The following DTD1 variants were observed in gnomAD, a reference collection of about 807,000 sequenced individuals.
DTD1 encodes D-aminoacyl-tRNA deacylase 1, also known as D-tyrosyl-tRNA deacylase 1 homolog.
DTD1 carries 13 observed loss-of-function variants against 25.6 expected under a neutral mutation model. That is an observed-to-expected ratio of 0.51 (90% CI 0.33 to 0.81). DTD1 has a LOEUF of 0.81. Ranked by LOEUF, DTD1 falls within the 30% of genes least tolerant of loss-of-function variation. The pLI is 0.02. For missense variants in DTD1, 193 were observed against 266.4 expected, an observed-to-expected ratio of 0.72 and a Z score of 1.92; for synonymous variants, 110 against 103.6, an observed-to-expected ratio of 1.06 and a Z score of -0.37.
rs1455100634 is a variant in DTD1 at position 18,704,495 on chromosome 20, G to A, written c.478-39605G>A. Among the ~76,000 whole-genome samples the A allele has an allele frequency of 2.6e-5, 4 of 152,164 alleles. No individual in the cohort carries two copies. In the East Asian group the frequency reaches 5.8e-4, roughly 22 times the overall value. On this transcript the variant is annotated intron_variant, in intron 4 of 5. Transcript: ENST00000377452. Reference sequence around the variant, plus strand: ...GATGCCTAACCAAGGGCAAATATGGGAGGGTAACCTCATCCTGTAAAATAA... The same window carrying A: ...GATGCCTAACCAAGGGCAAATATGGAAGGGTAACCTCATCCTGTAAAATAA...
At chr20:18,680,897 A>G (rs1027647620) in intron 4 of DTD1, among the ~76,000 whole-genome samples, 1 of 152,170 alleles carries the variant, frequency 6.6e-6, no homozygotes, top group Admixed American at 6.5e-5. Flanking sequence ...CACAAGGACA[A>G]TTTTATGAAC....
chr20:18,709,479 A>G (rs1381565533), intron 4 of DTD1, among the ~76,000 whole-genome samples: 1 of 152,032 alleles, frequency 6.6e-6, no homozygotes, highest in East Asian at 1.9e-4. Flanking sequence ...ATCTTTACCA[A>G]CCATCTACCT....
intron 3 of DTD1, among the ~76,000 whole-genome samples, chr20:18,601,655 C>A (rs1274295129): frequency 6.6e-6 from 1 of 151,850 alleles, no homozygotes; most frequent in Non-Finnish European, 1.5e-5. Flanking sequence ...CACCCCCCAG[C>A]AGGGGCACAC....
chr20:18,703,740 G>A (rs1284312036), intron 4 of DTD1, among the ~76,000 whole-genome samples: 2 of 139,870 alleles, frequency 1.4e-5, no homozygotes, highest in African/African-American at 5.7e-5. Flanking sequence ...TTTTTTTTTT[G>A]TTTCTGTTTT....
chr20:18,711,123 G>T (rs1043021637), intron 4 of DTD1, among the ~76,000 whole-genome samples: 21 of 152,168 alleles, frequency 1.4e-4, no homozygotes, highest in Non-Finnish European at 2.6e-4. Context: ...TGGAGTGGTG[G>T]GAGCAGGCGC....
At chr20:18,714,091 C>G (rs1388434489) in intron 4 of DTD1, among the ~76,000 whole-genome samples, 1 of 152,146 alleles carries the variant, frequency 6.6e-6, no homozygotes, top group Admixed American at 6.5e-5. Context: ...TGAGGCCTAC[C>G]CACCCTTCCT....
chr20:18,730,685 C>T (rs750915860), intron 4 of DTD1, among the ~76,000 whole-genome samples: 6 of 152,148 alleles, frequency 3.9e-5, no homozygotes, highest in African/African-American at 1.4e-4. Context: ...TTTTCTCATT[C>T]AAGAATTAGT....
intron 4 of DTD1, among the ~76,000 whole-genome samples, chr20:18,711,836 G>GAGCAGGAGGATC (rs2061159841): frequency 6.7e-6 from 1 of 149,154 alleles, no homozygotes; most frequent in South Asian, 2.2e-4. Context: ...TTGGGGTCAG[G>GAGCAGGAGGATC]AGTTTGAGAC....
intron 4 of DTD1, among the ~76,000 whole-genome samples, chr20:18,636,115 T>C (rs2060806574): frequency 6.6e-6 from 1 of 152,184 alleles, no homozygotes; most frequent in Non-Finnish European, 1.5e-5. Context: ...GGCAGATTCC[T>C]AGTTATTTTA....
chr20:18,635,966 CA>C (rs1289806301), intron 4 of DTD1, among the ~76,000 whole-genome samples: 2 of 152,066 alleles, frequency 1.3e-5, no homozygotes, highest in African/African-American at 4.8e-5. Flanking sequence ...TCTTTTCTAC[CA>C]TTGACACATA....
In DTD1 at chr20:18,749,841, C is replaced by T. The variant is rs2061315233; in HGVS notation, c.*19+5570C>T. The stretch of plus-strand genomic sequence containing the variant: ...CTGGTCAGGAACGCCCCTATTGCTA[C>T]TCAGCGCATGGAGGCTCATGAACAA... On this transcript the variant is annotated intron_variant, in intron 5 of 5. Coordinates refer to ENST00000377452, the MANE Select transcript of DTD1 (RefSeq NM_080820.6). This position sits in a 1 kb window ranked among gnomAD's most constrained non-coding sequence, Gnocchi z 4.2. Among the ~76,000 whole-genome samples, 1 of 152,220 alleles carries T rather than the reference C, an allele frequency of 6.6e-6. No individual in the cohort carries two copies. The highest frequency in any genetic ancestry group is 1.5e-5 in the Non-Finnish European group (1 of 68,040).
intron 4 of DTD1, among the ~76,000 whole-genome samples, chr20:18,657,993 C>T (rs578028104): frequency 4.9e-4 from 75 of 152,264 alleles, no homozygotes; most frequent in Non-Finnish European, 8.8e-5. Context: ...GGCCTGAATA[C>T]CAGGAGGCAA....
intron 4 of DTD1, among the ~76,000 whole-genome samples, chr20:18,645,603 A>G (rs1054665919): frequency 6.6e-6 from 1 of 152,272 alleles, no homozygotes. Context: ...GGAATACTAT[A>G]CAAAGGAACC....
In DTD1 at chr20:18,749,499, C is replaced by A. The variant is rs2061313772; in HGVS notation, c.*19+5228C>A. ...TCATTAGGAGGTTGGGGGTCATGGC[C>A]TCAGCTCTTCATAGCACTGACAGTC... On this transcript the variant is annotated intron_variant, in intron 5 of 5. Transcript: ENST00000377452. The surrounding 1 kb of genome is among the most constrained non-coding windows in gnomAD (Gnocchi z 4.2). 6.6e-6 allele frequency among the ~76,000 whole-genome samples: 1 copy of A among 152,132 alleles called. No individual in the cohort carries two copies. The highest frequency in any genetic ancestry group is 1.5e-5 in the Non-Finnish European group (1 of 68,018).
intron 4 of DTD1, among the ~76,000 whole-genome samples, chr20:18,657,808 T>G (rs1202314747): frequency 2.0e-5 from 3 of 152,234 alleles, no homozygotes; most frequent in Admixed American, 2.0e-4. Flanking sequence ...CTTCTCCACG[T>G]GGGCCTCCCC....
chr20:18,655,443 A>T (rs1390058821), intron 4 of DTD1, among the ~76,000 whole-genome samples: 2 of 152,130 alleles, frequency 1.3e-5, no homozygotes, highest in African/African-American at 2.4e-5. Flanking sequence ...AATTATGGCA[A>T]TTTTTTTCTG....
intron 4 of DTD1, among the ~76,000 whole-genome samples, chr20:18,725,615 T>A (rs1600392296): frequency 6.6e-6 from 1 of 152,190 alleles, no homozygotes; most frequent in South Asian, 2.1e-4. Flanking sequence ...GCTCCACTCG[T>A]TTTTTGCGTA....
chr20:18,667,583 G>A (rs2060936376), intron 4 of DTD1, among the ~76,000 whole-genome samples: 1 of 152,184 alleles, frequency 6.6e-6, no homozygotes, highest in Admixed American at 6.5e-5. Flanking sequence ...GGCATACAGC[G>A]GGTGTTTTTT....
At chr20:18,631,170 A>G (rs2060786171) in intron 4 of DTD1, 3 of 985,406 alleles carry the variant, frequency 3.0e-6, no homozygotes, top group African/African-American at 1.7e-5. Context: ...CCACCGTGGT[A>G]GCAGAGCTAC....
Sources: allele counts gnomAD v4.1 joint callset (sites outside exome capture counted in the v4.1 genomes callset), GRCh38; gene constraint gnomAD v4.1.1; non-coding constraint Gnocchi (gnomAD v3.1); transcripts MANE v1.5; gene names NCBI Gene and HGNC (gene_info 2026-07-23, HGNC 2026-07-21).